The following DYNC2H1 variants were observed in gnomAD, a reference collection of about 807,000 sequenced individuals.
The protein encoded by DYNC2H1 is cytoplasmic dynein 2 heavy chain 1.
A neutral mutation model predicts 570.0 loss-of-function variants in DYNC2H1; 410 were observed. The ratio of observed to expected loss-of-function variants is 0.72; its 90% confidence interval spans 0.66 to 0.78. The LOEUF is 0.78. Ranked by LOEUF, DYNC2H1 falls within the 30% of genes least tolerant of loss-of-function variation. The pLI is 0.00. For synonymous variants in DYNC2H1, 1,688 were observed against 1,677.6 expected, an observed-to-expected ratio of 1.01 and a Z score of -0.15; for missense variants, 4,865 against 5,046.4, an observed-to-expected ratio of 0.96 and a Z score of 1.09.
In DYNC2H1 at chr11:103,432,334, G is replaced by A. The variant is rs917286358; in HGVS notation, c.12367-3609G>A. 2.0e-5 allele frequency among the ~76,000 whole-genome samples: 3 copies of A among 152,142 alleles called. No homozygotes were observed. The South Asian group carries it at 6.2e-4, about 31-fold the overall frequency. ...AATGCTGAATGACTATAGAATGGCC[G>A]ATGTTGAGTTCTTCTGCAGCTTCTC... On this transcript the variant is annotated intron_variant, in intron 84 of 88. Coordinates refer to ENST00000375735, the MANE Select transcript of DYNC2H1 (RefSeq NM_001377.3).
chr11:103,256,180 C>A lies in DYNC2H1; in HGVS notation c.10401C>A (p.Ser3467Arg). 1 of 1,608,968 alleles carries A rather than the reference C, an allele frequency of 6.2e-7. No individual in the cohort carries two copies. Among genetic ancestry groups the A allele is most frequent in the Non-Finnish European group, 8.5e-7 (1 of 1,177,316 alleles). ...LIESLNQTKA[S>R]SALIQESLKE... ...AGTCTTTGAATCAGACAAAAGCAAG[C>A]AGTGCACTTATTCAAGAGTCACTTA... Residue 3467 changes from serine to arginine, a missense_variant, in exon 68 of 89, where the codon AGC becomes AGA. Ser to Arg is a moderately radical substitution (Grantham distance 110). Transcript: ENST00000375735. This position sits in a 1 kb window ranked among gnomAD's most constrained non-coding sequence, Gnocchi z 4.0.
intron 82 of DYNC2H1, among the ~76,000 whole-genome samples, chr11:103,331,963 G>A (rs1225799991): frequency 6.6e-6 from 1 of 151,996 alleles, no homozygotes; most frequent in Non-Finnish European, 1.5e-5. Context: ...AGGAAGGTAA[G>A]GCAGGAGAAT....
chr11:103,130,437 T>C (rs1225816442), intron 13 of DYNC2H1, among the ~76,000 whole-genome samples: 1 of 152,180 alleles, frequency 6.6e-6, no homozygotes, highest in East Asian at 1.9e-4. Flanking sequence ...ATTCTAGAAG[T>C]TACATCATTC....
At chr11:103,123,101 ACTC>A (rs1858804553) in intron 11 of DYNC2H1, 101 bp downstream of exon 11, 2 of 978,738 alleles carry the variant, frequency 2.0e-6, no homozygotes, top group African/African-American at 1.7e-5. Flanking sequence ...CAAACTTGCT[ACTC>A]CTCCTGTAAT....
Position 103,268,809 on chromosome 11 carries a change from A to T in DYNC2H1, c.10695+8832A>T, listed in dbSNP as rs932360303. 6.6e-6 allele frequency among the ~76,000 whole-genome samples: 1 copy of T among 151,878 alleles called. No individual in the cohort carries two copies. The highest frequency in any genetic ancestry group is 2.4e-5 in the African/African-American group (1 of 41,388). ...AATATTAGTAGCTTTTCTTATTAGG[A>T]GTTAGTTGCTTGTTTCTAAGCTATG... is the stretch of plus-strand genomic sequence containing the variant. On this transcript the variant is annotated intron_variant, in intron 70 of 88. Transcript: ENST00000375735. The surrounding 1 kb of genome is among the most constrained non-coding windows in gnomAD (Gnocchi z 4.6).
At chr11:103,475,522 G>C (rs1036412825) in intron 88 of DYNC2H1, among the ~76,000 whole-genome samples, 1 of 152,126 alleles carries the variant, frequency 6.6e-6, no homozygotes, top group African/African-American at 2.4e-5. Context: ...ACTTGTCCCT[G>C]CTTCTACTGT....
At chr11:103,288,684 T>TAAAAAAAAAAAAAAGAAAAAAAAAAAAAA (rs1866450594) in intron 75 of DYNC2H1, among the ~76,000 whole-genome samples, 14 of 27,902 alleles carry the variant, frequency 5.0e-4, no homozygotes, top group Non-Finnish European at 8.4e-4. Context: ...CCGTCTCTAC[T>TAAAAAAAAAAAAAAGAAAAAAAAAAAAAA]AAAAAAAAAA....
intron 70 of DYNC2H1, among the ~76,000 whole-genome samples, chr11:103,265,727 G>T (rs1362950845): frequency 6.6e-6 from 1 of 152,192 alleles, no homozygotes; most frequent in African/African-American, 2.4e-5. Context: ...TTGTTTGGAG[G>T]AAAGAAGGCA....
At chr11:103,479,057 G>C (rs1945661263) in intron 88 of DYNC2H1, 38 bp from the exon 89 acceptor site, 1 of 1,606,554 alleles carries the variant, frequency 6.2e-7, no homozygotes, top group Non-Finnish European at 8.5e-7. Context: ...TCCAAATAGT[G>C]TATTGCTTTA....
chr11:103,169,110 G>C (rs1018864027), intron 32 of DYNC2H1, 150 bp downstream of exon 32: 1 of 757,408 alleles, frequency 1.3e-6, no homozygotes, highest in Non-Finnish European at 1.9e-6. Flanking sequence ...AATTAGAAAG[G>C]TGTCACATAA....
chr11:103,271,641 T>G (rs1396118184), intron 70 of DYNC2H1, among the ~76,000 whole-genome samples: 2 of 152,234 alleles, frequency 1.3e-5, no homozygotes, highest in African/African-American at 4.8e-5. Flanking sequence ...ATCAGTTTAC[T>G]GTATATCAGG....
chr11:103,251,926 C>G (rs538334236), intron 65 of DYNC2H1, among the ~76,000 whole-genome samples: 17 of 151,702 alleles, frequency 1.1e-4, no homozygotes, highest in South Asian at 4.2e-4. Flanking sequence ...TTTTCTTTTC[C>G]TTTCATTTTT....
chr11:103,176,125 T>G, intron 36 of DYNC2H1, 110 bp from the exon 37 acceptor site: 1 of 792,866 alleles, frequency 1.3e-6, no homozygotes, highest in South Asian at 2.6e-5. Context: ...TGTTACTAAA[T>G]TCTAGTGCAT....
At chr11:103,351,869 T>C (rs1441310626) in intron 82 of DYNC2H1, among the ~76,000 whole-genome samples, 2 of 152,156 alleles carry the variant, frequency 1.3e-5, no homozygotes, top group South Asian at 4.1e-4. Context: ...TGTAAACTGT[T>C]GGTGCCTGAG....
rs187726031 is a variant in DYNC2H1, at chr11:103,134,830, A to C, written c.2205+411A>C. Among the ~76,000 whole-genome samples, 52 of 152,174 alleles carry C rather than the reference A, an allele frequency of 3.4e-4. 1 individual carries two copies. Among genetic ancestry groups the C allele is most frequent in the African/African-American group, 1.2e-3 (51 of 41,568 alleles). On this transcript the variant is annotated intron_variant, in intron 15 of 88. Coordinates refer to ENST00000375735, the MANE Select transcript of DYNC2H1 (RefSeq NM_001377.3). The stretch of plus-strand genomic sequence containing the variant: ...TTTTTGGAGGTAAAATTTGAGTTCT[A>C]TTCATATTTTGATATAATAGTTGAT...
chr11:103,179,556 A>G lies in DYNC2H1; in HGVS notation c.6347+323A>G, dbSNP rs984283106. 2.0e-5 allele frequency among the ~76,000 whole-genome samples: 3 copies of G among 151,852 alleles called. No homozygotes were observed. In the East Asian group the frequency reaches 5.8e-4, roughly 29 times the overall value. On this transcript the variant is annotated intron_variant, in intron 39 of 88. Coordinates refer to ENST00000375735, the MANE Select transcript of DYNC2H1 (RefSeq NM_001377.3). Reference sequence around the variant, plus strand: ...GTGAACATATTAATTATGAGCTAATATGAGCTAATATTATGAGCTAATAAT... The same window carrying G: ...GTGAACATATTAATTATGAGCTAATGTGAGCTAATATTATGAGCTAATAAT...
chr11:103,209,935 A>T lies in DYNC2H1; in HGVS notation c.8514A>T (p.Arg2838=). The stretch of plus-strand genomic sequence containing the variant: ...GAGAAAAATACAATGATAAAAAACG[A>T]AAAGAAGAAAAGAAAAAAAATTCAG... The part of the protein sequence containing the change: ...GGGEKYNDKK[R]KEEKKKNSVD... Residue 2838 remains arginine (R), a synonymous_variant, in exon 53 of 89, where the codon CGA becomes CGT. Coordinates refer to ENST00000375735, the MANE Select transcript of DYNC2H1 (RefSeq NM_001377.3). This position sits in a 1 kb window ranked among gnomAD's most constrained non-coding sequence, Gnocchi z 4.2. The T allele has an allele frequency of 6.7e-7, 1 of 1,497,034 alleles. No homozygotes were observed. The highest frequency in any genetic ancestry group is 8.9e-7 in the Non-Finnish European group (1 of 1,121,882). 92.7% of individuals were successfully genotyped at this position (1,497,034 alleles called of 1,614,324 possible).
chr11:103,309,813 A>C (rs1483533436), intron 78 of DYNC2H1, among the ~76,000 whole-genome samples: 3 of 152,096 alleles, frequency 2.0e-5, no homozygotes, highest in Non-Finnish European at 4.4e-5. Context: ...AATTCAGTAA[A>C]TATTTCGATA....
In DYNC2H1 at chr11:103,168,978, G is replaced by A. The variant is rs144263658; in HGVS notation, c.4968+18G>A. The A allele has an allele frequency of 0.013, 20,227 of 1,540,392 alleles. 148 individuals carry two copies. Among genetic ancestry groups the A allele is most frequent in the Non-Finnish European group, 0.016 (18,212 of 1,151,764 alleles). On this transcript the variant is annotated intron_variant, in intron 32 of 88. Transcript: ENST00000375735. The stretch of plus-strand genomic sequence containing the variant: ...AATATCAGGTATGAGTTGTGGCAGT[G>A]TTTTATATTTCCAATTAGAAATTAT...
Sources: allele counts gnomAD v4.1 joint callset (sites outside exome capture counted in the v4.1 genomes callset), GRCh38; gene constraint gnomAD v4.1.1; non-coding constraint Gnocchi (gnomAD v3.1); transcripts MANE v1.5; gene names NCBI Gene and HGNC (gene_info 2026-07-23, HGNC 2026-07-21).